Variants in ZNF423 observed in about 807,000 individuals in gnomAD.
The protein encoded by ZNF423 is Ebf-associated zinc finger protein.
In ZNF423, 12 loss-of-function variants were observed where a neutral mutation model predicts 95.8. The ratio of observed to expected loss-of-function variants is 0.13; its 90% CI spans 0.08 to 0.20. ZNF423 has a LOEUF of 0.20. Among genes scored for constraint, ZNF423 ranks in the 10% least tolerant of loss-of-function variants. The pLI, the probability that ZNF423 is intolerant of heterozygous loss-of-function variation, is 1.00. For missense variants in ZNF423, 1,316 were observed against 1,737.1 expected, an observed-to-expected ratio of 0.76 and a Z score of 4.31; for synonymous variants, 749 against 711.9, an observed-to-expected ratio of 1.05 and a Z score of -0.83.
chr16:49,730,645 A>C, intron 3 of ZNF423, 126 bp downstream of exon 3: 1 of 1,047,466 alleles, frequency 9.5e-7, no homozygotes, highest in Non-Finnish European at 1.4e-6. Context: ...AAGACACCAC[A>C]ATAAAATGAC....
At chr16:49,849,604 G>C (rs2035280469) in intron 1 of ZNF423, among the ~76,000 whole-genome samples, 1 of 152,186 alleles carries the variant, frequency 6.6e-6, no homozygotes, top group South Asian at 2.1e-4. Context: ...TGTCACAATT[G>C]AAACCAGAGT....
At position 49,799,099 on chromosome 16, in the gene ZNF423, C is replaced by T. The variant is rs916786111; in HGVS notation, c.41-9553G>A. Among the ~76,000 whole-genome samples the T allele has an allele frequency of 2.4e-4, 36 of 152,060 alleles. 1 individual carries two copies. The highest frequency in any genetic ancestry group is 5.3e-4 in the Non-Finnish European group (36 of 68,008). ...AGTGGGCTCTGGAATAGGCTGCTGT[C>T]CCCCAAGTGATCACTTGCAGGCCAT... On this transcript the variant is annotated intron_variant, in intron 1 of 7. Transcript: ENST00000563137.
chr16:49,499,661 C>T (rs1967313221), intron 7 of ZNF423, among the ~76,000 whole-genome samples: 3 of 152,166 alleles, frequency 2.0e-5, no homozygotes, highest in South Asian at 4.1e-4. Context: ...TCCGTGAACC[C>T]CCTCTTGCCA....
intron 5 of ZNF423, among the ~76,000 whole-genome samples, chr16:49,625,445 C>T (rs1342115871): frequency 6.6e-6 from 1 of 152,218 alleles, no homozygotes; most frequent in African/African-American, 2.4e-5. Context: ...ACATGTCCAA[C>T]AAAGACCCAG....
intron 2 of ZNF423, among the ~76,000 whole-genome samples, chr16:49,788,130 C>T (rs940738989): frequency 2.6e-5 from 4 of 152,194 alleles, no homozygotes; most frequent in South Asian, 2.1e-4. Flanking sequence ...CCACTTACCA[C>T]GTTGGCTTCA....
At chr16:49,724,856 C>T (rs539053365) in intron 3 of ZNF423, among the ~76,000 whole-genome samples, 32 of 152,258 alleles carry the variant, frequency 2.1e-4, no homozygotes, top group South Asian at 1.0e-3. Context: ...AGAGGGGAGC[C>T]GCAAAATTAA....
Position 49,634,680 on chromosome 16 carries a change from T to A in ZNF423, c.3516+980A>T, listed in dbSNP as rs185678449. Among the ~76,000 whole-genome samples, 103 of 152,188 alleles carry A rather than the reference T, an allele frequency of 6.8e-4. 2 individuals are homozygous for A. The highest frequency in any genetic ancestry group is 2.3e-3 in the African/African-American group (96 of 41,512). ...GCAGCGGTCCTTGAGGGAAATATACTCCTGAGATCCGCCTGGCACCTCCTT... is the reference window on the plus strand; with the variant it reads ...GCAGCGGTCCTTGAGGGAAATATACACCTGAGATCCGCCTGGCACCTCCTT... On this transcript the variant is annotated intron_variant, in intron 4 of 7. Coordinates refer to ENST00000563137, the MANE Select transcript of ZNF423 (RefSeq NM_001379286.1).
At chr16:49,852,355 T>G (rs2035311393) in intron 1 of ZNF423, among the ~76,000 whole-genome samples, 1 of 152,156 alleles carries the variant, frequency 6.6e-6, no homozygotes, top group Admixed American at 6.5e-5. Context: ...TCAAAAGTTT[T>G]AAGCTAAGGC....
At chr16:49,849,506 T>C (rs886759619) in intron 1 of ZNF423, among the ~76,000 whole-genome samples, 3 of 152,216 alleles carry the variant, frequency 2.0e-5, no homozygotes, top group African/African-American at 7.2e-5. Context: ...TCTTGGCTGC[T>C]TTAGTCACTA....
chr16:49,728,002 C>T (rs1596932031), intron 3 of ZNF423, among the ~76,000 whole-genome samples: 1 of 152,134 alleles, frequency 6.6e-6, no homozygotes, highest in East Asian at 1.9e-4. Flanking sequence ...GCTAAAGCCC[C>T]AGGTATAAAA....
At chr16:49,762,043 C>T (rs1008822965) in intron 2 of ZNF423, among the ~76,000 whole-genome samples, 1 of 152,160 alleles carries the variant, frequency 6.6e-6, no homozygotes, top group African/African-American at 2.4e-5. Flanking sequence ...AACTCCTGGC[C>T]TCAAGTGATC....
Position 49,835,966 on chromosome 16 carries a change from G to T in ZNF423, c.40+19769C>A, listed in dbSNP as rs549144954. Among the ~76,000 whole-genome samples the T allele has an allele frequency of 2.0e-5, 3 of 152,306 alleles. No homozygotes were observed. The South Asian group carries it at 6.2e-4, about 32-fold the overall frequency. Reference sequence around the variant, plus strand: ...GTCCTGGGCCCAAGGAGCAGTTTGGGTGGAGACAGAGAGAGGCCCAGAGGA... The same window carrying T: ...GTCCTGGGCCCAAGGAGCAGTTTGGTTGGAGACAGAGAGAGGCCCAGAGGA... On this transcript the variant is annotated intron_variant, in intron 1 of 7. Transcript: ENST00000563137.
intron 3 of ZNF423, among the ~76,000 whole-genome samples, chr16:49,717,438 C>T (rs1420301855): frequency 2.0e-5 from 3 of 152,200 alleles, no homozygotes; most frequent in South Asian, 2.1e-4. Context: ...GCTGCTTCTG[C>T]GGCCAGCATC....
At chr16:49,602,806 A>C (rs1971419663) in intron 5 of ZNF423, among the ~76,000 whole-genome samples, 1 of 152,172 alleles carries the variant, frequency 6.6e-6, no homozygotes, top group South Asian at 2.1e-4. Flanking sequence ...CAAACCGAGC[A>C]CAAGAGACAA....
rs79583925 is a variant in ZNF423 at position 49,697,894 on chromosome 16, G to C, written c.301+32877C>G. Among the ~76,000 whole-genome samples the C allele has an allele frequency of 4.7e-3, 716 of 152,358 alleles. 5 individuals are homozygous for C. The highest frequency in any genetic ancestry group is 0.017 in the African/African-American group (694 of 41,588). On this transcript the variant is annotated intron_variant, in intron 3 of 7. Coordinates refer to ENST00000563137, the MANE Select transcript of ZNF423 (RefSeq NM_001379286.1). ...TGTTGGGGAGCAATGCCTTTCAAGG[G>C]ACAAAAGGCAGAGGGGGCAGGAGGA...
chr16:49,661,862 G>A lies in ZNF423; in HGVS notation c.302-22988C>T, dbSNP rs532113926. 6.6e-5 allele frequency among the ~76,000 whole-genome samples: 10 copies of A among 152,300 alleles called. No individual in the cohort carries two copies. The South Asian group carries it at 1.7e-3, about 25-fold the overall frequency. On this transcript the variant is annotated intron_variant, in intron 3 of 7. Coordinates refer to ENST00000563137, the MANE Select transcript of ZNF423 (RefSeq NM_001379286.1). ...TGACCAGTGGTGTAAACCAGGATAC[G>A]TTAATGGACCTCTCTAATCTTCACC...
At chr16:49,608,362 A>G (rs2151840560) in intron 5 of ZNF423, among the ~76,000 whole-genome samples, 1 of 152,332 alleles carries the variant, frequency 6.6e-6, no homozygotes, top group South Asian at 2.1e-4. Flanking sequence ...TCTTAGCTCC[A>G]ATTTCCACAC....
At chr16:49,564,678 T>C (rs756874533) in intron 5 of ZNF423, among the ~76,000 whole-genome samples, 2 of 152,216 alleles carry the variant, frequency 1.3e-5, no homozygotes, top group African/African-American at 2.4e-5. Flanking sequence ...CATGGTGTGG[T>C]GGCACTGAGC....
chr16:49,564,243 T>A (rs1014408740), intron 5 of ZNF423, among the ~76,000 whole-genome samples: 5 of 152,252 alleles, frequency 3.3e-5, no homozygotes, highest in African/African-American at 1.2e-4. Flanking sequence ...GTTGGATTTA[T>A]TCCTTTTTTC....
Sources: gnomAD v4.1 joint callset for allele counts (sites outside exome capture counted in the v4.1 genomes callset) on GRCh38, gnomAD v4.1.1 for gene constraint, MANE v1.5 for transcripts, NCBI Gene and HGNC (gene_info 2026-07-23, HGNC 2026-07-21) for gene names.